The following ALK variants were observed in gnomAD, a reference collection of about 807,000 sequenced individuals.
The protein encoded by ALK is ALK receptor tyrosine kinase.
ALK carries 74 observed loss-of-function variants against 163.1 expected under a neutral mutation model. That is an observed-to-expected ratio of 0.45 (90% CI 0.38 to 0.55). The LOEUF is 0.55. Among genes scored for constraint, ALK ranks in the 20% least tolerant of loss-of-function variants. ALK has a pLI of 0.00. For missense variants in ALK, 2,063 were observed against 2,105.3 expected, an observed-to-expected ratio of 0.98 and a Z score of 0.39; for synonymous variants, 960 against 843.2, an observed-to-expected ratio of 1.14 and a Z score of -2.40.
At chr2:29,744,164 C>T (rs956493980) in intron 1 of ALK, among the ~76,000 whole-genome samples, 2 of 152,172 alleles carry the variant, frequency 1.3e-5, no homozygotes, top group African/African-American at 2.4e-5. Flanking sequence ...AAACTCACCA[C>T]ACACAGGAGG....
chr2:29,287,255 G>A (rs1665883522), intron 9 of ALK, among the ~76,000 whole-genome samples: 1 of 152,116 alleles, frequency 6.6e-6, no homozygotes, highest in Admixed American at 6.5e-5. Context: ...AAAGCACATT[G>A]TAAACCACTA....
At chr2:29,556,002 G>A (rs909435786) in intron 3 of ALK, among the ~76,000 whole-genome samples, 3 of 152,172 alleles carry the variant, frequency 2.0e-5, no homozygotes, top group Non-Finnish European at 2.9e-5. Context: ...TCAAGGATCC[G>A]AACATTCAAG....
intron 5 of ALK, among the ~76,000 whole-genome samples, chr2:29,331,423 C>T (rs535410009): frequency 1.8e-4 from 27 of 152,238 alleles, no homozygotes; most frequent in African/African-American, 6.3e-4. Flanking sequence ...ATCAATCCCC[C>T]ACTGTATGGA....
intron 9 of ALK, chr2:29,286,495 T>G (rs1407035666): frequency 6.6e-6 from 1 of 152,200 alleles, no homozygotes. Context: ...AATCAGAATC[T>G]TTGTGTATGA....
chr2:29,841,250 T>C (rs749064285), intron 1 of ALK, among the ~76,000 whole-genome samples: 1 of 152,166 alleles, frequency 6.6e-6, no homozygotes, highest in Non-Finnish European at 1.5e-5. Flanking sequence ...TTTTCCAAGA[T>C]AACATAGTGA....
intron 1 of ALK, among the ~76,000 whole-genome samples, chr2:29,810,295 G>C (rs1354088055): frequency 6.6e-6 from 1 of 151,966 alleles, no homozygotes; most frequent in East Asian, 1.9e-4. Flanking sequence ...GGTGGTGGTT[G>C]CCTGTAATTC....
At chr2:29,559,138 G>A (rs1005045621) in intron 3 of ALK, among the ~76,000 whole-genome samples, 4 of 152,144 alleles carry the variant, frequency 2.6e-5, no homozygotes, top group Admixed American at 1.3e-4. Flanking sequence ...TGGAAGTGCT[G>A]GATGGACTTT....
Position 29,816,228 on chromosome 2 carries a change from G to T in ALK, c.668-98531C>A, listed in dbSNP as rs1664893122. 2.0e-5 allele frequency among the ~76,000 whole-genome samples: 3 copies of T among 152,140 alleles called. No homozygotes were observed. In the South Asian group the frequency reaches 6.2e-4, roughly 31 times the overall value. On this transcript the variant is annotated intron_variant, in intron 1 of 28. Coordinates refer to ENST00000389048, the MANE Select transcript of ALK (RefSeq NM_004304.5). ...TAGATTCATTCATTCAGGCAAGCAG[G>T]AATAACAGGGACATTTGCAGACAGA...
At chr2:29,206,292 C>T (rs79620077) in intron 26 of ALK, among the ~76,000 whole-genome samples, 3,623 of 150,230 alleles carry the variant, frequency 0.024, 135 homozygotes, top group African/African-American at 0.083. Context: ...CCCTCCCTCT[C>T]TCTCCCCCTC....
At chr2:29,223,194 G>A (rs1669853867) in intron 20 of ALK, 148 bp downstream of exon 20, 6 of 781,250 alleles carry the variant, frequency 7.7e-6, no homozygotes, top group Non-Finnish European at 1.3e-5. Context: ...GGCCCTGAAT[G>A]TCAAGGCTTG....
intron 3 of ALK, among the ~76,000 whole-genome samples, chr2:29,616,283 G>A (rs1032307608): frequency 6.6e-6 from 1 of 152,196 alleles, no homozygotes; most frequent in African/African-American, 2.4e-5. Flanking sequence ...TTAAGGGAAG[G>A]ACAGCCTGGA....
At chr2:29,455,121 T>C (rs185294726) in intron 4 of ALK, among the ~76,000 whole-genome samples, 1 of 152,244 alleles carries the variant, frequency 6.6e-6, no homozygotes, top group East Asian at 1.9e-4. Flanking sequence ...TATTTCATAA[T>C]AGACATTTGC....
intron 1 of ALK, among the ~76,000 whole-genome samples, chr2:29,725,145 A>G (rs1306756352): frequency 8.6e-6 from 1 of 116,748 alleles, no homozygotes; most frequent in African/African-American, 4.1e-5. Context: ...CCTTCAGGCT[A>G]TCCTATACCA....
At chr2:29,851,646 T>C (rs1334601246) in intron 1 of ALK, among the ~76,000 whole-genome samples, 1 of 152,214 alleles carries the variant, frequency 6.6e-6, no homozygotes, top group East Asian at 1.9e-4. Flanking sequence ...TCCCAAGTAT[T>C]GCTGCTGCTG....
At chr2:29,196,732 ATAGAG>A in intron 28 of ALK, 33 bp downstream of exon 28, 1 of 1,455,302 alleles carries the variant, frequency 6.9e-7, no homozygotes, top group Non-Finnish European at 9.7e-7. Flanking sequence ...ACTGTTTCAT[ATAGAG>A]TAAATGTTGA....
At chr2:29,396,749 TC>T (rs1210499135) in intron 4 of ALK, among the ~76,000 whole-genome samples, 2 of 150,516 alleles carry the variant, frequency 1.3e-5, no homozygotes, top group African/African-American at 2.4e-5. Context: ...GGGACCTGCC[TC>T]TGGCTCCCTG....
chr2:29,841,067 C>G (rs1377306277), intron 1 of ALK, among the ~76,000 whole-genome samples: 1 of 152,178 alleles, frequency 6.6e-6, no homozygotes, highest in Non-Finnish European at 1.5e-5. Flanking sequence ...ATTAACTCTT[C>G]TCCCTTTGAA....
At chr2:29,544,818 T>C (rs984913539) in intron 3 of ALK, among the ~76,000 whole-genome samples, 2 of 152,054 alleles carry the variant, frequency 1.3e-5, no homozygotes, top group East Asian at 1.9e-4. Flanking sequence ...CATATCTGGC[T>C]TTCAGAATGT....
intron 1 of ALK, among the ~76,000 whole-genome samples, chr2:29,841,544 T>G (rs1420622508): frequency 6.6e-6 from 1 of 152,184 alleles, no homozygotes; most frequent in Admixed American, 6.5e-5. Flanking sequence ...TCTTGATGTC[T>G]TCCACCAAAT....
Sources: gnomAD v4.1 joint callset for allele counts (sites outside exome capture counted in the v4.1 genomes callset) on GRCh38, gnomAD v4.1.1 for gene constraint, MANE v1.5 for transcripts, NCBI Gene and HGNC (gene_info 2026-07-23, HGNC 2026-07-21) for gene names.